Variants in C3orf70 observed in about 807,000 individuals in gnomAD.
The protein encoded by C3orf70 is chromosome 3 open reading frame 70.
In C3orf70, 15 loss-of-function variants were observed where a neutral mutation model predicts 20.7. The ratio of observed to expected loss-of-function variants is 0.72; its 90% CI spans 0.48 to 1.11. C3orf70 has a LOEUF of 1.11. Among genes scored for constraint, C3orf70 ranks in the 50% most tolerant of loss-of-function variants. The pLI is 0.00. For missense variants in C3orf70, 332 were observed against 317.6 expected (o/e 1.05, Z -0.34); for synonymous variants, 161 against 125.7 (o/e 1.28, Z -1.88).
intron 1 of C3orf70, among the ~76,000 whole-genome samples, chr3:185,140,817 A>C (rs560875556): frequency 6.6e-6 from 1 of 150,426 alleles, no homozygotes; most frequent in Non-Finnish European, 1.5e-5. Flanking sequence ...AAAATACAAA[A>C]ATTAGCCAGG....
chr3:185,082,900 G>A lies in C3orf70; in HGVS notation c.*107C>T, dbSNP rs777563746. ...AACTGCTACGGTTGTTGGTTGGAGC[G>A]GGGCGGGGTGGGTAGAAAATATCAA... On this transcript the variant is annotated 3_prime_UTR_variant, in exon 2 of 2. Coordinates refer to ENST00000335012, the MANE Select transcript of C3orf70 (RefSeq NM_001025266.3). The A allele has an allele frequency of 2.0e-4, 216 of 1,101,200 alleles. No individual in the cohort carries two copies. Among genetic ancestry groups the A allele is most frequent in the Non-Finnish European group, 2.5e-4 (191 of 757,702 alleles). The allele number at this position is 1,101,200 out of a possible 1,614,324, so 68.2% of individuals were successfully genotyped here.
At chr3:185,116,278 T>A (rs541941573) in intron 1 of C3orf70, among the ~76,000 whole-genome samples, 85 of 152,228 alleles carry the variant, frequency 5.6e-4, no homozygotes, top group Non-Finnish European at 1.0e-3. Flanking sequence ...CTACTCTGTA[T>A]TAGATAATGG....
intron 1 of C3orf70, among the ~76,000 whole-genome samples, chr3:185,139,949 A>T (rs1449495573): frequency 3.9e-5 from 6 of 152,238 alleles, no homozygotes; most frequent in African/African-American, 1.4e-4. Flanking sequence ...CACAATCCAT[A>T]AAAGGAAAAA....
intron 1 of C3orf70, among the ~76,000 whole-genome samples, chr3:185,136,774 T>C (rs9829548): frequency 0.062 from 7,780 of 125,184 alleles, 657 homozygotes; most frequent in African/African-American, 0.21. Flanking sequence ...TAGCCGGGTA[T>C]GGTGGTGCAC....
intron 1 of C3orf70, among the ~76,000 whole-genome samples, chr3:185,130,843 C>A (rs553137714): frequency 1.4e-4 from 22 of 152,270 alleles, no homozygotes; most frequent in African/African-American, 5.1e-4. Context: ...ATTTTCCATA[C>A]CTTGTTTATC....
chr3:185,133,282 G>C (rs1716558173), intron 1 of C3orf70, among the ~76,000 whole-genome samples: 2 of 152,158 alleles, frequency 1.3e-5, no homozygotes, highest in African/African-American at 4.8e-5. Flanking sequence ...TAAAACTACA[G>C]ATGTATTTAT....
chr3:185,148,372 G>A (rs1716917642), intron 1 of C3orf70, among the ~76,000 whole-genome samples: 1 of 152,076 alleles, frequency 6.6e-6, no homozygotes, highest in Admixed American at 6.6e-5. Flanking sequence ...GTTAGTGAAT[G>A]GCACCACCAT....
At chr3:185,084,760 C>G (rs775453039) in intron 1 of C3orf70, among the ~76,000 whole-genome samples, 1 of 152,148 alleles carries the variant, frequency 6.6e-6, no homozygotes, top group Non-Finnish European at 1.5e-5. Flanking sequence ...GCCTCCCACA[C>G]GCTAAGGAAA....
At chr3:185,084,174 C>A (rs1385885046) in intron 1 of C3orf70, among the ~76,000 whole-genome samples, 1 of 150,816 alleles carries the variant, frequency 6.6e-6, no homozygotes, top group Non-Finnish European at 1.5e-5. Context: ...CAGAGTGAGA[C>A]CCTGTCTCAA....
intron 1 of C3orf70, among the ~76,000 whole-genome samples, chr3:185,099,573 G>C (rs1352337848): frequency 6.6e-6 from 1 of 152,170 alleles, no homozygotes; most frequent in Non-Finnish European, 1.5e-5. Context: ...GAAGGAAGGA[G>C]TAAATATGGA....
intron 1 of C3orf70, among the ~76,000 whole-genome samples, chr3:185,109,562 T>G (rs956795327): frequency 5.9e-5 from 9 of 152,212 alleles, no homozygotes; most frequent in African/African-American, 2.2e-4. Flanking sequence ...CTGTCACAGA[T>G]GGCAGAAGAA....
rs34803531 is a variant in C3orf70 at position 185,123,178 on chromosome 3, CAAA to C, written c.196+29447_196+29449del. Among the ~76,000 whole-genome samples the C allele has an allele frequency of 2.0e-4, 18 of 91,324 alleles. No individual in the cohort carries two copies. The South Asian group carries it at 2.1e-3, about 11-fold the overall frequency. The allele number at this position is 91,324 out of a possible 152,430, so 59.9% of individuals were successfully genotyped here. A position where few individuals can be genotyped will look rare whatever the true frequency, so the allele number is the denominator to read the frequency against. On this transcript the variant is annotated intron_variant, in intron 1 of 1. Transcript: ENST00000335012. ...TGGGTGACAGACCGAGACTCCATCT[CAAA>C]AAAAAAAAAAAAAAAAAAATTCACT... is the stretch of plus-strand genomic sequence containing the variant.
chr3:185,123,269 CAAAT>C (rs1197442801), intron 1 of C3orf70, among the ~76,000 whole-genome samples: 1 of 108,432 alleles, frequency 9.2e-6, no homozygotes, highest in Non-Finnish European at 2.2e-5. Context: ...TGAAACTTAA[CAAAT>C]AAAAAAAGTC....
At chr3:185,134,639 A>G (rs1716586386) in intron 1 of C3orf70, among the ~76,000 whole-genome samples, 1 of 152,144 alleles carries the variant, frequency 6.6e-6, no homozygotes, top group African/African-American at 2.4e-5. Flanking sequence ...TAAAATGACA[A>G]AAAAAACTTT....
intron 1 of C3orf70, among the ~76,000 whole-genome samples, chr3:185,146,694 GT>G (rs758658179): frequency 2.6e-5 from 4 of 152,058 alleles, no homozygotes; most frequent in Admixed American, 6.5e-5. Context: ...TCTTAAACAC[GT>G]TTTTTGTAGC....
chr3:185,086,797 CAAAG>C (rs1447275894), intron 1 of C3orf70, among the ~76,000 whole-genome samples: 1 of 151,760 alleles, frequency 6.6e-6, no homozygotes, highest in Non-Finnish European at 1.5e-5. Flanking sequence ...TATGGGGATG[CAAAG>C]AAAGAGAGGA....
At chr3:185,127,733 AC>A (rs1339723775) in intron 1 of C3orf70, among the ~76,000 whole-genome samples, 1 of 151,864 alleles carries the variant, frequency 6.6e-6, no homozygotes, top group Admixed American at 6.6e-5. Flanking sequence ...AGCCACCATG[AC>A]CGGCCACTAT....
chr3:185,131,078 C>G (rs777007381), intron 1 of C3orf70, among the ~76,000 whole-genome samples: 5 of 152,168 alleles, frequency 3.3e-5, no homozygotes, highest in Non-Finnish European at 5.9e-5. Flanking sequence ...TTCCCACCAA[C>G]AATGCATGAG....
At chr3:185,128,050 A>T (rs183879557) in intron 1 of C3orf70, among the ~76,000 whole-genome samples, 15 of 152,360 alleles carry the variant, frequency 9.8e-5, no homozygotes, top group African/African-American at 3.6e-4. Context: ...GCAAGCAGCA[A>T]AGCCAATAAT....
Sources: gnomAD v4.1 joint callset for allele counts (sites outside exome capture counted in the v4.1 genomes callset) on GRCh38, gnomAD v4.1.1 for gene constraint, MANE v1.5 for transcripts, NCBI Gene and HGNC (gene_info 2026-07-23, HGNC 2026-07-21) for gene names.